PGAM5: variants seen among roughly 807,000 people sequenced by gnomAD.
PGAM5 encodes serine/threonine-protein phosphatase PGAM5, mitochondrial.
PGAM5 carries 25 observed loss-of-function variants against 30.6 expected under a neutral mutation model. The observed-to-expected ratio is 0.82, with a 90% CI of 0.60 to 1.14. The LOEUF (loss-of-function observed/expected upper bound fraction) is 1.14, where lower values mean the gene tolerates loss of function less well. Among genes scored for constraint, PGAM5 ranks in the 50% most tolerant of loss-of-function variants. PGAM5 has a pLI of 0.00. For synonymous variants in PGAM5, 201 were observed against 179.1 expected, an observed-to-expected ratio of 1.12 and a Z score of -0.98; for missense variants, 384 against 408.5, an observed-to-expected ratio of 0.94 and a Z score of 0.52.
At chr12:132,712,765 C>A (rs981689712) in intron 1 of PGAM5, among the ~76,000 whole-genome samples, 1 of 151,480 alleles carries the variant, frequency 6.6e-6, no homozygotes, top group Non-Finnish European at 1.5e-5. Flanking sequence ...CTGTTATATT[C>A]TTTTTTAAAA....
At position 132,711,121 on chromosome 12, in the gene PGAM5, T is replaced by C. The variant is rs2043517823; in HGVS notation, c.191+54T>C. On this transcript the variant is annotated intron_variant, in intron 1 of 5. Coordinates refer to ENST00000498926, the MANE Select transcript of PGAM5 (RefSeq NM_001170543.2). Reference sequence around the variant, plus strand: ...TCGGGATGGGGGTCAGGGCAGGTGTTACCGTTGGGATCGAGATCGGGACCA... The same window carrying C: ...TCGGGATGGGGGTCAGGGCAGGTGTCACCGTTGGGATCGAGATCGGGACCA... 2.6e-6 allele frequency: 3 copies of C among 1,164,422 alleles called. No individual in the cohort carries two copies. In the East Asian group the frequency reaches 1.0e-4, roughly 41 times the overall value. The allele number at this position is 1,164,422 out of a possible 1,614,324, so 72.1% of individuals were successfully genotyped here.
chr12:132,717,399 G>T (rs571940157), intron 2 of PGAM5, 40 bp from the exon 3 acceptor site: 1 of 1,596,968 alleles, frequency 6.3e-7, no homozygotes. Context: ...GGTGGAGGAG[G>T]GGGTGCAGGT....
rs530112420 is a variant in PGAM5, at chr12:132,722,222, T to C, written c.*1394T>C. ...TAGTTTGCCTCCAGTTAATCTTTTATGCTTAGGGATTAAATGTGTGGTTTT... is the reference window on the plus strand; with the variant it reads ...TAGTTTGCCTCCAGTTAATCTTTTACGCTTAGGGATTAAATGTGTGGTTTT... On this transcript the variant is annotated 3_prime_UTR_variant, in exon 6 of 6. Coordinates refer to ENST00000498926, the MANE Select transcript of PGAM5 (RefSeq NM_001170543.2). 7.3e-5 allele frequency: 11 copies of C among 151,646 alleles called. No homozygotes were observed. The highest frequency in any genetic ancestry group is 5.9e-4 in the Admixed American group (9 of 15,200). 9.4% of individuals were successfully genotyped at this position (151,646 alleles called of 1,614,324 possible). A position where few individuals can be genotyped will look rare whatever the true frequency, so the allele number is the denominator to read the frequency against.
At chr12:132,711,489 AAACTT>A in intron 1 of PGAM5, 1 of 153,160 alleles carries the variant, frequency 6.5e-6, no homozygotes, top group Admixed American at 6.5e-5. Flanking sequence ...ACGTCAATTT[AAACTT>A]AACGCAAGCA....
chr12:132,715,281 C>T (rs909305006), intron 2 of PGAM5, among the ~76,000 whole-genome samples: 5 of 152,208 alleles, frequency 3.3e-5, no homozygotes, highest in African/African-American at 1.2e-4. Flanking sequence ...TCAAAATGTC[C>T]TTACCTTGGC....
chr12:132,717,689 C>T (rs1288024588), intron 3 of PGAM5, 21 bp from the exon 4 acceptor site: 3 of 1,564,736 alleles, frequency 1.9e-6, no homozygotes, highest in Non-Finnish European at 2.6e-6. Flanking sequence ...TCACCCAGCG[C>T]TTCGCTGTGC....
rs1224185343 is a variant in PGAM5 at position 132,721,476 on chromosome 12, C to T, written c.*648C>T. The T allele has an allele frequency of 6.6e-6, 1 of 152,226 alleles. No homozygotes were observed. Among genetic ancestry groups the T allele is most frequent in the Non-Finnish European group, 1.5e-5 (1 of 68,080 alleles). The allele number at this position is 152,226 out of a possible 1,614,324, so 9.4% of individuals were successfully genotyped here. A position where few individuals can be genotyped will look rare whatever the true frequency, so the allele number is the denominator to read the frequency against. On this transcript the variant is annotated 3_prime_UTR_variant, in exon 6 of 6. Coordinates refer to ENST00000498926, the MANE Select transcript of PGAM5 (RefSeq NM_001170543.2). ...TGGGTGTGTCGTGGGCATCTAGAGT[C>T]CCAGCTACTTGGGAGGCTGAGGTGG... is the stretch of plus-strand genomic sequence containing the variant.
Position 132,710,882 on chromosome 12 carries a change from G to T in PGAM5, c.6G>T (p.Ala2=), listed in dbSNP as rs948843572. The part of the protein sequence containing the change: M[A]FRQALQLAAC... ...CCGGCGCGGGAGCAAGCGGCATGGC[G>T]TTCCGGCAGGCGCTGCAGCTGGCGG... Residue 2 remains alanine (A), a synonymous_variant, in exon 1 of 6, where the codon GCG becomes GCT. Coordinates refer to ENST00000498926, the MANE Select transcript of PGAM5 (RefSeq NM_001170543.2). The T allele has an allele frequency of 8.8e-7, 1 of 1,135,462 alleles. No individual in the cohort carries two copies. Among genetic ancestry groups the T allele is most frequent in the Non-Finnish European group, 1.1e-6 (1 of 927,704 alleles). 70.3% of individuals were successfully genotyped at this position (1,135,462 alleles called of 1,614,324 possible). A position where few individuals can be genotyped will look rare whatever the true frequency, so the allele number is the denominator to read the frequency against.
In PGAM5 at chr12:132,721,027, C is replaced by T; in HGVS notation, c.*199C>T. ...GGTTTTATACCTGACCATGAACCCC[C>T]AGGATGGCGTGGGGTTTAAGGTGAA... On this transcript the variant is annotated 3_prime_UTR_variant, in exon 6 of 6. Transcript: ENST00000498926. 1 of 623,278 alleles carries T rather than the reference C, an allele frequency of 1.6e-6. No homozygotes were observed. 38.6% of individuals were successfully genotyped at this position (623,278 alleles called of 1,614,324 possible). A position where few individuals can be genotyped will look rare whatever the true frequency, so the allele number is the denominator to read the frequency against.
rs1165416747 is a variant in PGAM5 at position 132,719,204 on chromosome 12, G to C, written c.719+1084G>C. On this transcript the variant is annotated intron_variant, in intron 5 of 5. Coordinates refer to ENST00000498926, the MANE Select transcript of PGAM5 (RefSeq NM_001170543.2). The stretch of plus-strand genomic sequence containing the variant: ...TCTGGATCCATTAGGAAATGTGTGT[G>C]TGGGCTCCGCAGCTGAGGGGGCCCT... 1.5e-5 allele frequency: 17 copies of C among 1,161,450 alleles called. No individual in the cohort carries two copies. The East Asian group carries it at 2.0e-4, about 14-fold the overall frequency. 71.9% of individuals were successfully genotyped at this position (1,161,450 alleles called of 1,614,324 possible).
Position 132,720,807 on chromosome 12 carries a change from C to T in PGAM5, c.849C>T (p.Pro283=), listed in dbSNP as rs544918118. 29 of 1,536,422 alleles carry T rather than the reference C, an allele frequency of 1.9e-5. No individual in the cohort carries two copies. Among genetic ancestry groups the T allele is most frequent in the Admixed American group, 7.8e-5 (4 of 50,982 alleles). The change falls in exon 6 of 6, where the codon CCC becomes CCT. Residue 283 remains proline, a synonymous_variant. Coordinates refer to ENST00000498926, the MANE Select transcript of PGAM5 (RefSeq NM_001170543.2). ...RTLGDTGFMP[P]DKITRS ...TCGGGGACACGGGGTTCATGCCTCC[C>T]GACAAGATCACTCGATCCTGAGGGC...
rs1324470184 is a variant in PGAM5, at chr12:132,710,911, G to A, written c.35G>A (p.Cys12Tyr). The A allele has an allele frequency of 3.5e-6, 4 of 1,150,474 alleles. No individual in the cohort carries two copies. Among genetic ancestry groups the A allele is most frequent in the Non-Finnish European group, 4.3e-6 (4 of 937,232 alleles). 71.3% of individuals were successfully genotyped at this position (1,150,474 alleles called of 1,614,324 possible). A position where few individuals can be genotyped will look rare whatever the true frequency, so the allele number is the denominator to read the frequency against. Residue 12 changes from cysteine (C) to tyrosine (Y), a missense_variant, in exon 1 of 6, where the codon TGC (cysteine) becomes TAC (tyrosine). Cys to Tyr is a radical substitution (Grantham distance 194, BLOSUM62 -2). Transcript: ENST00000498926. ...CGGCAGGCGCTGCAGCTGGCGGCCT[G>A]CGGGCTGGCCGGGGGCTCGGCCGCC... Reference protein sequence around the residue: ...AFRQALQLAACGLAGGSAAVL... With the variant: ...AFRQALQLAAYGLAGGSAAVL...
At chr12:132,717,412 G>T (rs375366348) in intron 2 of PGAM5, 27 bp from the exon 3 acceptor site, 3 of 1,600,756 alleles carry the variant, frequency 1.9e-6, no homozygotes, top group Non-Finnish European at 2.5e-6. Context: ...GTGCAGGTGC[G>T]GCACTCAGGT....
At chr12:132,712,442 C>A (rs1431755213) in intron 1 of PGAM5, among the ~76,000 whole-genome samples, 2 of 152,082 alleles carry the variant, frequency 1.3e-5, no homozygotes, top group Non-Finnish European at 2.9e-5. Flanking sequence ...GAGTTACATT[C>A]TTTTTCCTTC....
At position 132,710,868 on chromosome 12, in the gene PGAM5, G is replaced by C; in HGVS notation, c.-9G>C. 1.8e-6 allele frequency: 2 copies of C among 1,126,870 alleles called. No individual in the cohort carries two copies. The highest frequency in any genetic ancestry group is 2.2e-6 in the Non-Finnish European group (2 of 921,974). 69.8% of individuals were successfully genotyped at this position (1,126,870 alleles called of 1,614,324 possible). A position where few individuals can be genotyped will look rare whatever the true frequency, so the allele number is the denominator to read the frequency against. On this transcript the variant is annotated 5_prime_UTR_variant, in exon 1 of 6. Coordinates refer to ENST00000498926, the MANE Select transcript of PGAM5 (RefSeq NM_001170543.2). ...GGCGCCTGCGCGGGCCGGCGCGGGA[G>C]CAAGCGGCATGGCGTTCCGGCAGGC...
At chr12:132,719,193 G>T in intron 5 of PGAM5, 2 of 1,175,614 alleles carry the variant, frequency 1.7e-6, no homozygotes, top group Non-Finnish European at 2.1e-6. Flanking sequence ...GATCCATTAG[G>T]AAATGTGTGT....
rs944065432 is a variant in PGAM5, at chr12:132,719,087, G to A, written c.719+967G>A. The A allele has an allele frequency of 9.3e-6, 13 of 1,400,574 alleles. No individual in the cohort carries two copies. In the South Asian group the frequency reaches 2.0e-4, roughly 22 times the overall value. The allele number at this position is 1,400,574 out of a possible 1,614,324, so 86.8% of individuals were successfully genotyped here. A position where few individuals can be genotyped will look rare whatever the true frequency, so the allele number is the denominator to read the frequency against. On this transcript the variant is annotated intron_variant, in intron 5 of 5. Coordinates refer to ENST00000498926, the MANE Select transcript of PGAM5 (RefSeq NM_001170543.2). ...AGCCACGTTAGAGGGCCCCTTGGGG[G>A]GCAGGGCCAGCTCTACGGTTACATG... is the stretch of plus-strand genomic sequence containing the variant.
intron 1 of PGAM5, among the ~76,000 whole-genome samples, chr12:132,713,158 T>C (rs1001835101): frequency 6.6e-6 from 1 of 152,066 alleles, no homozygotes; most frequent in African/African-American, 2.4e-5. Context: ...AAACTCTGTC[T>C]CAAAAAAGAA....
At chr12:132,718,282 G>A (rs530808076) in intron 5 of PGAM5, among the ~76,000 whole-genome samples, 162 bp downstream of exon 5, 8 of 150,518 alleles carry the variant, frequency 5.3e-5, no homozygotes, top group Non-Finnish European at 8.9e-5. Flanking sequence ...TCAGTTACGC[G>A]GTAGGTGGCG....
Sources: gnomAD v4.1 joint callset for allele counts (sites outside exome capture counted in the v4.1 genomes callset) on GRCh38, gnomAD v4.1.1 for gene constraint, MANE v1.5 for transcripts, NCBI Gene and HGNC (gene_info 2026-07-23, HGNC 2026-07-21) for gene names.